NUDCD3: variants seen among roughly 807,000 people sequenced by gnomAD.
NUDCD3 encodes NudC domain containing 3.
NUDCD3 carries 13 observed loss-of-function variants against 39.7 expected under a neutral mutation model. The ratio of observed to expected loss-of-function variants is 0.33; its 90% confidence interval spans 0.21 to 0.52. The LOEUF (loss-of-function observed/expected upper bound fraction) is 0.52, where lower values mean the gene tolerates loss of function less well. NUDCD3 is among the 20% of genes least tolerant of loss of function. The pLI is 0.96. For missense variants in NUDCD3, 453 were observed against 458.1 expected (o/e 0.99, Z 0.10); for synonymous variants, 175 against 172.4 (o/e 1.02, Z -0.12).
chr7:44,435,056 G>C (rs1022954684), intron 2 of NUDCD3, among the ~76,000 whole-genome samples: 2 of 152,174 alleles, frequency 1.3e-5, no homozygotes, highest in African/African-American at 4.8e-5. Flanking sequence ...CATTTGGAGA[G>C]AGAAGTTATG....
rs544463143 is a variant in NUDCD3, at chr7:44,474,481, A to C, written c.509+10487T>G. ...TTCTTCACCTGTAAAAAGGAAGCAGATCACTGGTTCTCAATTTTTGGAAAT... is the reference window on the plus strand; with the variant it reads ...TTCTTCACCTGTAAAAAGGAAGCAGCTCACTGGTTCTCAATTTTTGGAAAT... On this transcript the variant is annotated intron_variant, in intron 2 of 5. Coordinates refer to ENST00000355451, the MANE Select transcript of NUDCD3 (RefSeq NM_015332.4). Among the ~76,000 whole-genome samples, 5 of 152,302 alleles carry C rather than the reference A, an allele frequency of 3.3e-5. No individual in the cohort carries two copies. The East Asian group carries it at 9.7e-4, about 29-fold the overall frequency.
intron 3 of NUDCD3, among the ~76,000 whole-genome samples, chr7:44,414,424 T>G (rs1194800586): frequency 6.6e-6 from 1 of 152,160 alleles, no homozygotes; most frequent in Non-Finnish European, 1.5e-5. Flanking sequence ...AAAATGACAC[T>G]GGGCAGGGGC....
chr7:44,393,237 G>T (rs1164937435), intron 4 of NUDCD3, among the ~76,000 whole-genome samples: 1 of 152,122 alleles, frequency 6.6e-6, no homozygotes, highest in Non-Finnish European at 1.5e-5. Context: ...ACCTCTGTGG[G>T]GATGGCACAG....
chr7:44,439,963 TA>T (rs576694041), intron 2 of NUDCD3, among the ~76,000 whole-genome samples: 172 of 152,320 alleles, frequency 1.1e-3, no homozygotes, highest in African/African-American at 4.0e-3. Flanking sequence ...TCCCCCAAAA[TA>T]TTTATCAATT....
At chr7:44,401,387 C>G (rs1798723303) in intron 4 of NUDCD3, among the ~76,000 whole-genome samples, 1 of 152,208 alleles carries the variant, frequency 6.6e-6, no homozygotes, top group Admixed American at 6.5e-5. Flanking sequence ...AACGCCTTAG[C>G]TCCTGTAAAC....
At chr7:44,448,133 C>G (rs1325091889) in intron 2 of NUDCD3, among the ~76,000 whole-genome samples, 1 of 152,234 alleles carries the variant, frequency 6.6e-6, no homozygotes, top group Non-Finnish European at 1.5e-5. Flanking sequence ...GTAGTCTACT[C>G]CCATGTGCCT....
intron 3 of NUDCD3, among the ~76,000 whole-genome samples, chr7:44,404,976 C>A (rs940884489): frequency 6.6e-6 from 1 of 152,274 alleles, no homozygotes; most frequent in South Asian, 2.1e-4. Context: ...AGGAGCCCAG[C>A]CCTGGACCAC....
chr7:44,472,842 G>T (rs1800283450), intron 2 of NUDCD3, among the ~76,000 whole-genome samples: 1 of 152,184 alleles, frequency 6.6e-6, no homozygotes, highest in Non-Finnish European at 1.5e-5. Context: ...GATGGGGTCG[G>T]GTACTCTGAG....
chr7:44,423,013 T>A (rs575160305), intron 3 of NUDCD3, among the ~76,000 whole-genome samples: 17 of 152,192 alleles, frequency 1.1e-4, no homozygotes, highest in South Asian at 8.3e-4. Flanking sequence ...ATGTAATCCA[T>A]CACATAAACA....
At chr7:44,418,625 G>A (rs1437305661) in intron 3 of NUDCD3, among the ~76,000 whole-genome samples, 2 of 152,328 alleles carry the variant, frequency 1.3e-5, no homozygotes, top group African/African-American at 4.8e-5. Flanking sequence ...ATGATATGGG[G>A]GGATCTGGCA....
intron 2 of NUDCD3, among the ~76,000 whole-genome samples, chr7:44,476,861 G>T (rs1280286027): frequency 1.3e-5 from 2 of 152,188 alleles, no homozygotes; most frequent in Non-Finnish European, 2.9e-5. Context: ...ACCTGCTGGG[G>T]AAAGCGGAGG....
chr7:44,468,403 A>G, intron 2 of NUDCD3: 1 of 982,308 alleles, frequency 1.0e-6, no homozygotes, highest in South Asian at 1.7e-5. Flanking sequence ...GAGACGAAAG[A>G]ATTTGTTTGT....
At chr7:44,386,299 G>A (rs982048411) in intron 5 of NUDCD3, among the ~76,000 whole-genome samples, 178 bp from the exon 6 acceptor site, 1 of 152,196 alleles carries the variant, frequency 6.6e-6, no homozygotes, top group Admixed American at 6.5e-5. Context: ...GACCAAGGGA[G>A]GTACTGGGTG....
In NUDCD3 at chr7:44,404,438, A is replaced by G. The variant is rs1798778109; in HGVS notation, c.786+2T>C. ...GCCCTACACACAGGTGCCCAAACTT[A>G]CCAAAACGCACTTCCCGGGCTCGAG... On this transcript the variant is annotated splice_donor_variant, in intron 4 of 5. Transcript: ENST00000355451. LOFTEE classifies it high-confidence loss of function. 6.2e-7 allele frequency: 1 copy of G among 1,613,030 alleles called. No individual in the cohort carries two copies. Among genetic ancestry groups the G allele is most frequent in the Non-Finnish European group, 8.5e-7 (1 of 1,179,518 alleles).
intron 2 of NUDCD3, among the ~76,000 whole-genome samples, chr7:44,444,768 C>A (rs1448280927): frequency 2.0e-5 from 3 of 152,188 alleles, no homozygotes; most frequent in African/African-American, 7.2e-5. Context: ...CCCACTGATA[C>A]CTTGCCTCAT....
chr7:44,396,605 C>T (rs1010651949), intron 4 of NUDCD3, among the ~76,000 whole-genome samples: 70 of 152,048 alleles, frequency 4.6e-4, no homozygotes, highest in African/African-American at 1.4e-3. Flanking sequence ...TTTTTAATGG[C>T]CCACGCCTCG....
rs756247647 is a variant in NUDCD3, at chr7:44,469,115, CAAAAAAAAAAAAAAA to C, written c.509+15838_509+15852del. Among the ~76,000 whole-genome samples, 6 of 32,862 alleles carry C rather than the reference CAAAAAAAAAAAAAAA, an allele frequency of 1.8e-4. No homozygotes were observed. In the East Asian group the frequency reaches 6.9e-3, roughly 38 times the overall value. 21.6% of individuals were successfully genotyped at this position (32,862 alleles called of 152,430 possible). A position where few individuals can be genotyped will look rare whatever the true frequency, so the allele number is the denominator to read the frequency against. The stretch of plus-strand genomic sequence containing the variant: ...AGGGCCAGTTTTCAAACAAACAAAC[CAAAAAAAAAAAAAAA>C]AAAAAAAAAAACAGGAGATTTCAGT... On this transcript the variant is annotated intron_variant, in intron 2 of 5. Transcript: ENST00000355451.
chr7:44,399,003 T>A (rs953886582), intron 4 of NUDCD3, among the ~76,000 whole-genome samples: 1 of 152,170 alleles, frequency 6.6e-6, no homozygotes, highest in African/African-American at 2.4e-5. Context: ...GAAACAAAAT[T>A]AAGACACTGT....
chr7:44,408,219 T>G (rs1402612315), intron 3 of NUDCD3, among the ~76,000 whole-genome samples: 2 of 152,180 alleles, frequency 1.3e-5, no homozygotes, highest in Non-Finnish European at 2.9e-5. Flanking sequence ...ATAAATGCAT[T>G]TTAAGATATA....
Sources: allele counts gnomAD v4.1 joint callset (sites outside exome capture counted in the v4.1 genomes callset), GRCh38; gene constraint gnomAD v4.1.1; transcripts MANE v1.5; gene names NCBI Gene and HGNC (gene_info 2026-07-23, HGNC 2026-07-21).